TTI1: variants seen among roughly 807,000 people sequenced by gnomAD.
TTI1 encodes the protein TELO2-interacting protein 1 homolog.
TTI1 carries 52 observed loss-of-function variants against 85.4 expected under a neutral mutation model. That is an observed-to-expected ratio of 0.61 (90% CI 0.49 to 0.77). The LOEUF is 0.77. Among genes scored for constraint, TTI1 ranks in the 30% least tolerant of loss-of-function variants. The pLI is 0.00. For missense variants in TTI1, 1,173 were observed against 1,296.0 expected, an observed-to-expected ratio of 0.91 and a Z score of 1.46; for synonymous variants, 512 against 503.9, an observed-to-expected ratio of 1.02 and a Z score of -0.22.
At chr20:38,013,946 T>G in intron 1 of TTI1, 89 bp from the exon 2 acceptor site, 1 of 1,372,700 alleles carries the variant, frequency 7.3e-7, no homozygotes, top group South Asian at 1.4e-5. Context: ...GACATTTACC[T>G]GGGGTCTATG....
At chr20:38,021,573 G>C (rs1329375271) in intron 1 of TTI1, among the ~76,000 whole-genome samples, 1 of 152,214 alleles carries the variant, frequency 6.6e-6, no homozygotes, top group Non-Finnish European at 1.5e-5. Flanking sequence ...AGCTCAGAGT[G>C]ACTGAATAAA....
chr20:38,014,834 G>C (rs2073658117), intron 1 of TTI1, among the ~76,000 whole-genome samples: 1 of 152,170 alleles, frequency 6.6e-6, no homozygotes, highest in Non-Finnish European at 1.5e-5. Flanking sequence ...GATAAACAGA[G>C]GGCTTGAGGA....
chr20:37,997,054 G>GA, intron 5 of TTI1, 101 bp from the exon 6 acceptor site: 14 of 1,287,556 alleles, frequency 1.1e-5, no homozygotes, highest in Middle Eastern at 2.0e-4. Flanking sequence ...TCTGCTTGGG[G>GA]GAAAAAAAAA....
intron 1 of TTI1, among the ~76,000 whole-genome samples, chr20:38,020,317 A>ATATATATAT (rs1568628878): frequency 2.3e-5 from 1 of 44,050 alleles, no homozygotes; most frequent in Admixed American, 1.9e-4. Flanking sequence ...TATGAAAAAA[A>ATATATATAT]AAAAAAATAT....
chr20:38,014,814 C>G lies in TTI1; in HGVS notation c.-41-957G>C, dbSNP rs547677504. On this transcript the variant is annotated intron_variant, in intron 1 of 7. Transcript: ENST00000373447. ...TTCAAAGTCATGGGCTGACAGTGAA[C>G]AAGGAGAAGGATAAACAGAGGGCTT... 6.6e-5 allele frequency among the ~76,000 whole-genome samples: 10 copies of G among 152,094 alleles called. No individual in the cohort carries two copies. In the South Asian group the frequency reaches 2.1e-3, roughly 32 times the overall value.
rs149287636 is a variant in TTI1 at position 38,013,052 on chromosome 20, G to A, written c.765C>T (p.Ile255=). 5 of 1,613,984 alleles carry A rather than the reference G, an allele frequency of 3.1e-6. No homozygotes were observed. Among genetic ancestry groups the A allele is most frequent in the African/African-American group, 2.7e-5 (2 of 74,910 alleles). ...CTGCAGGTTTTGCTTGGACCTTTGA[G>A]ATTCTTTTGAGCTGTTCATCAGCCA... ...FIMADEQLKR[I]SKVQAKPAVE... Residue 255 remains isoleucine, a synonymous_variant, in exon 2 of 8, where the codon ATC becomes ATT. Transcript: ENST00000373447.
intron 5 of TTI1, among the ~76,000 whole-genome samples, chr20:37,998,802 AT>A (rs2073378588): frequency 6.6e-6 from 1 of 152,172 alleles, no homozygotes; most frequent in Non-Finnish European, 1.5e-5. Context: ...TGCAGTGCAA[AT>A]ATGGTGTGAA....
At chr20:37,993,624 T>A (rs1456040896) in intron 7 of TTI1, among the ~76,000 whole-genome samples, 5 of 152,102 alleles carry the variant, frequency 3.3e-5, no homozygotes, top group Non-Finnish European at 7.4e-5. Flanking sequence ...CTGGTGCACA[T>A]CCCTCTCCTT....
Position 37,996,971 on chromosome 20 carries a change from AAC to A in TTI1, c.2794-20_2794-19del. ...CGTAAAACCTGCAGAAACAGCCTCC[AAC>A]CTGGTGAGTGAACATTGCCAAGGCA... is the stretch of plus-strand genomic sequence containing the variant. On this transcript the variant is annotated intron_variant, in intron 5 of 7. Coordinates refer to ENST00000373447, the MANE Select transcript of TTI1 (RefSeq NM_001303457.2). The A allele has an allele frequency of 6.2e-7, 1 of 1,610,206 alleles. No individual in the cohort carries two copies. The highest frequency in any genetic ancestry group is 8.5e-7 in the Non-Finnish European group (1 of 1,177,950).
At chr20:37,986,782 C>T (rs2073195919) in intron 7 of TTI1, among the ~76,000 whole-genome samples, 1 of 152,190 alleles carries the variant, frequency 6.6e-6, no homozygotes, top group Admixed American at 6.5e-5. Context: ...GAGTCTGAGG[C>T]ATAATTAACA....
At chr20:37,994,391 C>T (rs1372717807) in intron 7 of TTI1, among the ~76,000 whole-genome samples, 2 of 152,132 alleles carry the variant, frequency 1.3e-5, no homozygotes, top group African/African-American at 4.8e-5. Flanking sequence ...CCTCAGACTC[C>T]CAAAGCGCTG....
rs1350352110 is a variant in TTI1 at position 38,013,716 on chromosome 20, T to C, written c.101A>G (p.Gln34Arg). 1 of 1,614,210 alleles carries C rather than the reference T, an allele frequency of 6.2e-7. No individual in the cohort carries two copies. The highest frequency in any genetic ancestry group is 8.5e-7 in the Non-Finnish European group (1 of 1,180,030). ...GTCACTCACAGCTTGTAGTCGTGTC[T>C]GCAGATGCTCCACATTCTCCACTGT... ...TQTVENVEHL[Q>R]TRLQAVSDSA... is the part of the protein sequence containing the mutation. The change falls in exon 2 of 8, where the codon CAG (glutamine) becomes CGG (arginine). Residue 34 changes from glutamine (Q) to arginine (R), a missense_variant. By Grantham distance (43) the Gln-to-Arg change is conservative (BLOSUM62 1). Coordinates refer to ENST00000373447, the MANE Select transcript of TTI1 (RefSeq NM_001303457.2).
chr20:38,017,702 G>C (rs75099264), intron 1 of TTI1, among the ~76,000 whole-genome samples: 1 of 152,102 alleles, frequency 6.6e-6, no homozygotes. Flanking sequence ...TGATGGACTC[G>C]AAATACTTAC....
At chr20:37,984,985 C>T (rs2073171637) in intron 7 of TTI1, among the ~76,000 whole-genome samples, 1 of 152,204 alleles carries the variant, frequency 6.6e-6, no homozygotes, top group Non-Finnish European at 1.5e-5. Context: ...TAGACGACAA[C>T]CCTCTCTAGA....
At chr20:38,028,904 G>A (rs980620476) in intron 1 of TTI1, among the ~76,000 whole-genome samples, 25 of 151,892 alleles carry the variant, frequency 1.6e-4, no homozygotes, top group African/African-American at 5.3e-4. Context: ...ACCGAGTTTC[G>A]CCATGTTGCC....
At position 37,999,196 on chromosome 20, in the gene TTI1, C is replaced by A. The variant is rs1440631034; in HGVS notation, c.2785G>T (p.Ala929Ser). The A allele has an allele frequency of 2.0e-6, 3 of 1,468,254 alleles. No individual in the cohort carries two copies. Among genetic ancestry groups the A allele is most frequent in the Non-Finnish European group, 1.8e-6 (2 of 1,105,468 alleles). The allele number at this position is 1,468,254 out of a possible 1,614,324, so 91.0% of individuals were successfully genotyped here. ...GGATGCTGGTGCAGTACCTTGAAGG[C>A]TCTAAGCACTGCCAGGGGGGCGTCC... is the stretch of plus-strand genomic sequence containing the variant. The part of the protein sequence containing the change: ...TRDAPLAVLR[A>S]FKVLRTLGSK... The change falls in exon 5 of 8, where the codon GCC becomes TCC. Residue 929 changes from alanine (A) to serine (S), a missense_variant. Coordinates refer to ENST00000373447, the MANE Select transcript of TTI1 (RefSeq NM_001303457.2).
At chr20:38,002,851 A>G in intron 3 of TTI1, 75 bp from the exon 4 acceptor site, 1 of 1,586,984 alleles carries the variant, frequency 6.3e-7, no homozygotes, top group Non-Finnish European at 8.6e-7. Flanking sequence ...TGTTCTTTAT[A>G]AATTACTCAG....
At chr20:38,000,924 A>T (rs1481490924) in intron 4 of TTI1, among the ~76,000 whole-genome samples, 2 of 152,206 alleles carry the variant, frequency 1.3e-5, no homozygotes, top group Non-Finnish European at 2.9e-5. Context: ...CCGATGACCT[A>T]GGCTAAATCA....
intron 1 of TTI1, among the ~76,000 whole-genome samples, chr20:38,018,469 A>G (rs1382710475): frequency 1.3e-5 from 2 of 152,236 alleles, no homozygotes; most frequent in Non-Finnish European, 2.9e-5. Context: ...AGATAAGAAC[A>G]TAAAAGACGT....
Sources: allele counts gnomAD v4.1 joint callset (sites outside exome capture counted in the v4.1 genomes callset), GRCh38; gene constraint gnomAD v4.1.1; transcripts MANE v1.5; gene names NCBI Gene and HGNC (gene_info 2026-07-23, HGNC 2026-07-21).